The following GPC4 variants were observed in gnomAD, a reference collection of about 807,000 sequenced individuals.
GPC4 encodes glypican-4.
GPC4 carries 10 observed loss-of-function variants against 35.0 expected under a neutral mutation model. The observed-to-expected ratio is 0.29, with a 90% confidence interval of 0.18 to 0.48. The LOEUF (loss-of-function observed/expected upper bound fraction) is 0.48. Ranked by LOEUF, GPC4 falls within the 20% of genes least tolerant of loss-of-function variation. The pLI, the probability that GPC4 is intolerant of heterozygous loss-of-function variation, is 0.99. For missense variants in GPC4, 322 were observed against 451.3 expected, an observed-to-expected ratio of 0.71 and a Z score of 2.60; for synonymous variants, 167 against 170.2, an observed-to-expected ratio of 0.98 and a Z score of 0.15.
chrX:133,332,605 G>C (rs754142301), intron 2 of GPC4, among the ~76,000 whole-genome samples: 1 of 111,451 alleles, frequency 9.0e-6, no homozygotes, highest in African/African-American at 3.3e-5. Flanking sequence ...CACCATGTTG[G>C]CCAGGCTCGT....
At chrX:133,391,309 T>A (rs1235521910) in intron 1 of GPC4, among the ~76,000 whole-genome samples, 1 of 112,022 alleles carries the variant, frequency 8.9e-6, no homozygotes, top group Non-Finnish European at 1.9e-5. Context: ...CAGTCTTTGT[T>A]AACAACAGTT....
At chrX:133,331,304 T>G (rs937834568) in intron 2 of GPC4, among the ~76,000 whole-genome samples, 1 of 111,368 alleles carries the variant, frequency 9.0e-6, no homozygotes, top group African/African-American at 3.3e-5. Context: ...CAGAGTTCTG[T>G]GCATTCGGAA....
chrX:133,358,355 T>A (rs1425655681), intron 1 of GPC4, among the ~76,000 whole-genome samples: 1 of 112,194 alleles, frequency 8.9e-6, no homozygotes, highest in Non-Finnish European at 1.9e-5. Context: ...AACTCATGAA[T>A]AAAATTCAAA....
At chrX:133,388,447 G>A (rs1223725103) in intron 1 of GPC4, among the ~76,000 whole-genome samples, 5 of 112,076 alleles carry the variant, frequency 4.5e-5, no homozygotes, top group Non-Finnish European at 9.4e-5. Flanking sequence ...TGTAAGGCAT[G>A]ATAGGGGATT....
chrX:133,359,975 G>A (rs1443989681), intron 1 of GPC4, among the ~76,000 whole-genome samples: 1 of 110,665 alleles, frequency 9.0e-6, no homozygotes, highest in Admixed American at 9.7e-5. Flanking sequence ...AATCAAGCAG[G>A]CTGGCCAACT....
intron 1 of GPC4, among the ~76,000 whole-genome samples, chrX:133,400,029 G>C (rs937968716): frequency 8.9e-6 from 1 of 112,118 alleles, no homozygotes; most frequent in Admixed American, 9.4e-5. Flanking sequence ...CCTCTCTTTG[G>C]TCTCTGGAAT....
At position 133,304,651 on chromosome X, in the gene GPC4, G is replaced by A. The variant is rs986703298; in HGVS notation, c.1292+74C>T. 33 of 1,139,027 alleles carry A rather than the reference G, an allele frequency of 2.9e-5. No individual in the cohort carries two copies. In the East Asian group the frequency reaches 1.0e-3, roughly 34 times the overall value. The allele number at this position is 1,139,027 out of a possible 1,213,427, so 93.9% of individuals were successfully genotyped here. ...CTTCCTGATGCCTCGGTTGACAATT[G>A]AGAGAACCCTCTCTGAAGGTCACCC... On this transcript the variant is annotated intron_variant, in intron 7 of 8. Coordinates refer to ENST00000370828, the MANE Select transcript of GPC4 (RefSeq NM_001448.3).
At chrX:133,414,541 G>C in intron 1 of GPC4, 1 of 753,054 alleles carries the variant, frequency 1.3e-6, no homozygotes, top group Non-Finnish European at 1.6e-6. Context: ...GGCGGGGAGC[G>C]GAGCGCGACA....
At position 133,300,204 on chromosome X, in the gene GPC4, T is replaced by C. The variant is rs1840671443; in HGVS notation, c.*2663A>G. The C allele has an allele frequency of 1.8e-5, 2 of 112,781 alleles. No homozygotes were observed. The highest frequency in any genetic ancestry group is 3.2e-5 in the African/African-American group (1 of 31,127). 9.3% of individuals were successfully genotyped at this position (112,781 alleles called of 1,213,427 possible). On this transcript the variant is annotated 3_prime_UTR_variant, in exon 9 of 9. Coordinates refer to ENST00000370828, the MANE Select transcript of GPC4 (RefSeq NM_001448.3). ...TTTTGAACACTCAGTAACTAAACTT[T>C]AGAAATTTACGTCAATTCTTCGCAG...
Position 133,353,985 on chromosome X carries a change from A to G in GPC4, c.161-14644T>C, listed in dbSNP as rs1384761999. Among the ~76,000 whole-genome samples the G allele has an allele frequency of 1.2e-4, 13 of 112,206 alleles. No individual in the cohort carries two copies. In the Admixed American group the frequency reaches 1.2e-3, roughly 11 times the overall value. ...TATCATGAAAAGTCTTTGATGTGAT[A>G]GCAAAAATTATTAAAATAGCCTTTC... On this transcript the variant is annotated intron_variant, in intron 1 of 8. Coordinates refer to ENST00000370828, the MANE Select transcript of GPC4 (RefSeq NM_001448.3).
At position 133,321,181 on chromosome X, in the gene GPC4, C is replaced by T. The variant is rs73239376; in HGVS notation, c.711+2964G>A. On this transcript the variant is annotated intron_variant, in intron 3 of 8. Transcript: ENST00000370828. ...GGTTTCCCATGGTTAATTCTGAGAA[C>T]GACGTCCAGAAGAATGCAACACAGG... Among the ~76,000 whole-genome samples, 707 of 112,275 alleles carry T rather than the reference C, an allele frequency of 6.3e-3. 3 individuals are homozygous for T. The highest frequency in any genetic ancestry group is 0.021 in the South Asian group (56 of 2,659).
At chrX:133,323,145 T>G (rs1283520930) in intron 3 of GPC4, among the ~76,000 whole-genome samples, 2 of 111,509 alleles carry the variant, frequency 1.8e-5, no homozygotes, top group Middle Eastern at 4.6e-3. Context: ...CTCTGTTGCT[T>G]CTGCTCAATG....
intron 1 of GPC4, among the ~76,000 whole-genome samples, chrX:133,340,685 G>GCT (rs2068463005): frequency 8.9e-6 from 1 of 112,422 alleles, no homozygotes; most frequent in African/African-American, 3.2e-5. Context: ...TATCAAAGCA[G>GCT]CTTTAGGGTA....
chrX:133,398,631 G>A (rs2068755001), intron 1 of GPC4, among the ~76,000 whole-genome samples: 1 of 110,476 alleles, frequency 9.1e-6, no homozygotes, highest in Admixed American at 9.7e-5. Flanking sequence ...AGCCAGGTGT[G>A]GTGGCAAGCA....
intron 2 of GPC4, among the ~76,000 whole-genome samples, chrX:133,326,803 T>C (rs1001241273): frequency 8.9e-6 from 1 of 112,701 alleles, no homozygotes; most frequent in Admixed American, 9.4e-5. Flanking sequence ...TGGAACTCTC[T>C]CAACTAAGTG....
chrX:133,354,607 G>C (rs1408573831), intron 1 of GPC4, among the ~76,000 whole-genome samples: 1 of 100,644 alleles, frequency 9.9e-6, no homozygotes, highest in Non-Finnish European at 1.9e-5. Flanking sequence ...TGTCGCCCAG[G>C]CCAGACTGCG....
At position 133,300,208 on chromosome X, in the gene GPC4, A is replaced by C. The variant is rs1477612237; in HGVS notation, c.*2659T>G. ...GAACACTCAGTAACTAAACTTTAGAAATTTACGTCAATTCTTCGCAGTGTC... is the reference window on the plus strand; with the variant it reads ...GAACACTCAGTAACTAAACTTTAGACATTTACGTCAATTCTTCGCAGTGTC... On this transcript the variant is annotated 3_prime_UTR_variant, in exon 9 of 9. Transcript: ENST00000370828. 2 of 112,597 alleles carry C rather than the reference A, an allele frequency of 1.8e-5. No individual in the cohort carries two copies. Among genetic ancestry groups the C allele is most frequent in the African/African-American group, 6.4e-5 (2 of 31,076 alleles). 9.3% of individuals were successfully genotyped at this position (112,597 alleles called of 1,213,427 possible).
chrX:133,357,856 T>C (rs948828542), intron 1 of GPC4, among the ~76,000 whole-genome samples: 1 of 112,028 alleles, frequency 8.9e-6, no homozygotes, highest in African/African-American at 3.2e-5. Flanking sequence ...TGAACACTGA[T>C]ATCAGAAGAT....
Position 133,304,766 on chromosome X carries a change from G to C in GPC4, c.1251C>G (p.Asn417Lys). Residue 417 changes from asparagine to lysine, a missense_variant, in exon 7 of 9, where the codon AAC (asparagine) becomes AAG (lysine). This residue lies in a region of GPC4 where 99 missense variants were observed against 110.0 expected (regional missense o/e 0.90). Transcript: ENST00000370828. Reference protein sequence around the residue: ...VCNDERMAAGNGNEDDCWNGK... With the variant: ...VCNDERMAAGKGNEDDCWNGK... ...CATTCCAACAGTCATCCTCATTGCC[G>C]TTTCCTGCAGCCATCCTCTCATCGT... 2 of 1,211,442 alleles carry C rather than the reference G, an allele frequency of 1.7e-6. No individual in the cohort carries two copies. The highest frequency in any genetic ancestry group is 2.2e-6 in the Non-Finnish European group (2 of 895,255).
Sources: allele counts gnomAD v4.1 joint callset (sites outside exome capture counted in the v4.1 genomes callset), GRCh38; gene constraint gnomAD v4.1.1; regional missense constraint gnomAD v4.1.1; transcripts MANE v1.5; gene names NCBI Gene and HGNC (gene_info 2026-07-23, HGNC 2026-07-21).